Variants in GABBR2 observed in about 807,000 individuals in gnomAD.
GABBR2 encodes the protein gamma-aminobutyric acid type B receptor subunit 2, also known as G-protein coupled receptor 51.
GABBR2 carries 23 observed loss-of-function variants against 105.6 expected under a neutral mutation model. The observed-to-expected ratio is 0.22, with a 90% CI of 0.16 to 0.31. The LOEUF (loss-of-function observed/expected upper bound fraction) is 0.31. GABBR2 is among the 10% of genes least tolerant of loss of function. GABBR2 has a pLI of 1.00. For synonymous variants in GABBR2, 478 were observed against 499.7 expected, an observed-to-expected ratio of 0.96 and a Z score of 0.58; for missense variants, 734 against 1,245.5, an observed-to-expected ratio of 0.59 and a Z score of 6.18.
intron 2 of GABBR2, among the ~76,000 whole-genome samples, chr9:98,553,041 A>AT (rs1242145121): frequency 6.6e-6 from 1 of 151,158 alleles, no homozygotes; most frequent in African/African-American, 2.4e-5. Context: ...ATGCCTGGCT[A>AT]TTTTTTTTAT....
intron 1 of GABBR2, among the ~76,000 whole-genome samples, chr9:98,610,063 C>T (rs569809617): frequency 6.6e-6 from 1 of 152,344 alleles, no homozygotes; most frequent in Admixed American, 6.5e-5. Context: ...CTCCTGTCCT[C>T]CCTGCGCCCC....
intron 8 of GABBR2, among the ~76,000 whole-genome samples, chr9:98,396,861 A>G (rs1308076797): frequency 6.6e-6 from 1 of 152,060 alleles, no homozygotes; most frequent in Non-Finnish European, 1.5e-5. Context: ...TGGCACTGAA[A>G]TAATACTCAG....
chr9:98,331,461 C>G (rs532180082), intron 13 of GABBR2, among the ~76,000 whole-genome samples: 38 of 136,700 alleles, frequency 2.8e-4, no homozygotes, highest in African/African-American at 9.5e-4. Flanking sequence ...GCCACCTCCT[C>G]TGCGTTTCCA....
At chr9:98,609,637 G>A (rs953721339) in intron 1 of GABBR2, among the ~76,000 whole-genome samples, 1 of 152,220 alleles carries the variant, frequency 6.6e-6, no homozygotes, top group African/African-American at 2.4e-5. Context: ...TTAGCAGTGA[G>A]CAAGGCATGG....
intron 6 of GABBR2, among the ~76,000 whole-genome samples, chr9:98,464,467 C>A (rs1457028369): frequency 6.7e-6 from 1 of 149,204 alleles, no homozygotes; most frequent in East Asian, 2.0e-4. Flanking sequence ...AGCGCCTCTG[C>A]CTGGCCGCCC....
In GABBR2 at chr9:98,708,522, G is replaced by T. The variant is rs1830932353; in HGVS notation, c.216C>A (p.Ser72Arg). The change falls in exon 1 of 19, where the codon AGC (serine) becomes AGA (arginine). Residue 72 changes from serine to arginine, a missense_variant. Transcript: ENST00000259455. ...CGGCGGGGAGCACACCGCGCCCGAT[G>T]CTGCCCTTGGCCACCTCCTTGGTGA... ...MPLTKEVAKG[S>R]IGRGVLPAVE... The T allele has an allele frequency of 6.3e-7, 1 of 1,597,994 alleles. No individual in the cohort carries two copies. Among genetic ancestry groups the T allele is most frequent in the Middle Eastern group, 1.7e-4 (1 of 5,820 alleles).
At chr9:98,599,064 CG>C (rs1829281733) in intron 1 of GABBR2, among the ~76,000 whole-genome samples, 1 of 152,168 alleles carries the variant, frequency 6.6e-6, no homozygotes, top group African/African-American at 2.4e-5. Context: ...GGAGACAAGA[CG>C]GGCACCCCCA....
At chr9:98,659,861 G>T (rs916991807) in intron 1 of GABBR2, among the ~76,000 whole-genome samples, 3 of 151,474 alleles carry the variant, frequency 2.0e-5, no homozygotes, top group Admixed American at 6.6e-5. Context: ...TTTTTAGCTT[G>T]CAGGCTTAAA....
intron 1 of GABBR2, among the ~76,000 whole-genome samples, chr9:98,613,175 A>T (rs1015453081): frequency 2.0e-5 from 3 of 152,190 alleles, no homozygotes; most frequent in African/African-American, 7.2e-5. Flanking sequence ...CCACCAGCTG[A>T]TGCCTATAAT....
At chr9:98,428,345 A>G (rs1588155516) in intron 7 of GABBR2, among the ~76,000 whole-genome samples, 1 of 152,208 alleles carries the variant, frequency 6.6e-6, no homozygotes, top group East Asian at 1.9e-4. Context: ...ATGGAGGGGC[A>G]CAGGTATTTC....
chr9:98,486,179 G>A (rs1389722738), intron 4 of GABBR2, among the ~76,000 whole-genome samples: 1 of 152,156 alleles, frequency 6.6e-6, no homozygotes. Context: ...AATAGGAGGT[G>A]GTGGCACTGG....
Position 98,606,418 on chromosome 9 carries a change from A to G in GABBR2, c.322-28346T>C, listed in dbSNP as rs1829421585. 2.0e-5 allele frequency among the ~76,000 whole-genome samples: 3 copies of G among 152,094 alleles called. No homozygotes were observed. The South Asian group carries it at 6.2e-4, about 32-fold the overall frequency. Reference sequence around the variant, plus strand: ...GTGAGGATTTAAAGGGTAAATACATACAAACTGCTTGTAATAATGCCTGGC... The same window carrying G: ...GTGAGGATTTAAAGGGTAAATACATGCAAACTGCTTGTAATAATGCCTGGC... On this transcript the variant is annotated intron_variant, in intron 1 of 18. Coordinates refer to ENST00000259455, the MANE Select transcript of GABBR2 (RefSeq NM_005458.8).
intron 9 of GABBR2, among the ~76,000 whole-genome samples, chr9:98,391,827 T>C (rs902211532): frequency 6.6e-6 from 1 of 152,084 alleles, no homozygotes; most frequent in Non-Finnish European, 1.5e-5. Flanking sequence ...AGTGGGGACG[T>C]GCGGGGCTCT....
chr9:98,637,845 G>A (rs1354874417), intron 1 of GABBR2, among the ~76,000 whole-genome samples: 1 of 152,152 alleles, frequency 6.6e-6, no homozygotes, highest in African/African-American at 2.4e-5. Context: ...AGTTGTGTTT[G>A]TTCAAGCCAC....
rs1231521731 is a variant in GABBR2 at position 98,394,238 on chromosome 9, C to T, written c.1315G>A (p.Val439Met). 2 of 1,613,420 alleles carry T rather than the reference C, an allele frequency of 1.2e-6. No individual in the cohort carries two copies. Among genetic ancestry groups the T allele is most frequent in the African/African-American group, 1.3e-5 (1 of 75,054 alleles). ...TQFQDSREVK[V>M]GEYNAVADTL... ...TCGGCCACAGCGTTGTACTCTCCCA[C>T]CTTCACCTCCCTGCTGTCTGTGGGG... is the stretch of plus-strand genomic sequence containing the variant. Residue 439 changes from valine to methionine, a missense_variant, in exon 9 of 19, where the codon GTG (valine) becomes ATG (methionine). Val to Met is a conservative substitution (Grantham distance 21). This residue lies in a region of GABBR2 where 370 missense variants were observed against 648.9 expected (regional missense o/e 0.57). Coordinates refer to ENST00000259455, the MANE Select transcript of GABBR2 (RefSeq NM_005458.8).
chr9:98,409,064 C>T (rs1248587974), intron 7 of GABBR2, among the ~76,000 whole-genome samples: 2 of 152,224 alleles, frequency 1.3e-5, no homozygotes, highest in Non-Finnish European at 1.5e-5. Context: ...AAAGCCAGGG[C>T]CAAGTCCCTC....
chr9:98,339,999 A>C (rs560487086), intron 13 of GABBR2, among the ~76,000 whole-genome samples: 1 of 152,224 alleles, frequency 6.6e-6, no homozygotes, highest in African/African-American at 2.4e-5. Context: ...ATATGGGTAG[A>C]AGTGACATGT....
chr9:98,462,153 T>A (rs1826435285), intron 6 of GABBR2, among the ~76,000 whole-genome samples: 1 of 152,214 alleles, frequency 6.6e-6, no homozygotes, highest in African/African-American at 2.4e-5. Flanking sequence ...TTTCCTCCCT[T>A]TCCAGGACAC....
chr9:98,665,641 T>C (rs1416507523), intron 1 of GABBR2, among the ~76,000 whole-genome samples: 1 of 152,188 alleles, frequency 6.6e-6, no homozygotes, highest in Non-Finnish European at 1.5e-5. Context: ...CCTAGGGTTC[T>C]GGAGCAAGGC....
Sources: allele counts gnomAD v4.1 joint callset (sites outside exome capture counted in the v4.1 genomes callset), GRCh38; gene constraint gnomAD v4.1.1; regional missense constraint gnomAD v4.1.1; transcripts MANE v1.5; gene names NCBI Gene and HGNC (gene_info 2026-07-23, HGNC 2026-07-21).